Variants in SLIT1 observed in about 807,000 individuals in gnomAD.
SLIT1 encodes slit guidance ligand 1, also known as slit homolog 1 protein.
A neutral mutation model predicts 186.1 loss-of-function variants in SLIT1; 66 were observed. That is an observed-to-expected ratio of 0.35 (90% CI 0.29 to 0.44). SLIT1 has a LOEUF of 0.44. Ranked by LOEUF, SLIT1 falls within the 20% of genes least tolerant of loss-of-function variation. SLIT1 has a pLI of 1.00. For missense variants in SLIT1, 1,638 were observed against 2,037.4 expected (o/e 0.80, Z 3.77); for synonymous variants, 761 against 833.8 (o/e 0.91, Z 1.50).
At chr10:97,078,349 A>G (rs906259942) in intron 4 of SLIT1, among the ~76,000 whole-genome samples, 21 of 152,106 alleles carry the variant, frequency 1.4e-4, no homozygotes, top group Non-Finnish European at 2.6e-4. Context: ...CTCCTGTGGC[A>G]GCCCCCTCCT....
rs1476967389 is a variant in SLIT1, at chr10:97,040,049, G to A, written c.2236C>T (p.Arg746Ter). ...GCCCGCAGGTGCTTGTTGCTGCATC[G>A]GACCACGGTGTCCAGGCAGGCGCAC... ...QECACLDTVV[R>*]CSNKHLRALP... The change falls in exon 21 of 37, where the codon CGA (arginine) becomes TGA (stop). Residue 746 changes from arginine to a stop codon, truncating the protein, a stop_gained. Coordinates refer to ENST00000266058, the MANE Select transcript of SLIT1 (RefSeq NM_003061.3). LOFTEE classifies it high-confidence loss of function. 1.2e-6 allele frequency: 2 copies of A among 1,612,798 alleles called. No individual in the cohort carries two copies. Among genetic ancestry groups the A allele is most frequent in the Non-Finnish European group, 1.7e-6 (2 of 1,179,406 alleles).
chr10:97,171,757 T>G (rs1850191911), intron 1 of SLIT1, among the ~76,000 whole-genome samples: 1 of 151,492 alleles, frequency 6.6e-6, no homozygotes, highest in African/African-American at 2.4e-5. Context: ...AGCCGGAGGT[T>G]GCAGTGAGGT....
intron 4 of SLIT1, among the ~76,000 whole-genome samples, chr10:97,127,578 C>G (rs1849616076): frequency 6.6e-6 from 1 of 152,210 alleles, no homozygotes; most frequent in Non-Finnish European, 1.5e-5. Flanking sequence ...GAACCACGTC[C>G]TCTGGGCACA....
intron 25 of SLIT1, among the ~76,000 whole-genome samples, chr10:97,026,795 G>T (rs1012554388): frequency 4.6e-5 from 7 of 152,194 alleles, no homozygotes; most frequent in Admixed American, 4.6e-4. Context: ...ATTGTGCAGG[G>T]TATTGAAGTC....
intron 4 of SLIT1, among the ~76,000 whole-genome samples, chr10:97,076,866 C>A (rs752216200): frequency 3.3e-5 from 5 of 152,226 alleles, no homozygotes; most frequent in Non-Finnish European, 7.3e-5. Flanking sequence ...GCAGACCCAG[C>A]AGTGGTGTCA....
At chr10:97,055,387 G>A (rs2134632769) in intron 13 of SLIT1, among the ~76,000 whole-genome samples, 1 of 152,020 alleles carries the variant, frequency 6.6e-6, no homozygotes, top group Admixed American at 6.5e-5. Flanking sequence ...TTTTGAAACA[G>A]GGTCTCTCCG....
At position 96,998,697 on chromosome 10, in the gene SLIT1, C is replaced by T. The variant is rs1216658033; in HGVS notation, c.*2415G>A. The T allele has an allele frequency of 6.6e-6, 1 of 152,310 alleles. No homozygotes were observed. Among genetic ancestry groups the T allele is most frequent in the Non-Finnish European group, 1.5e-5 (1 of 68,074 alleles). The allele number at this position is 152,310 out of a possible 1,614,324, so 9.4% of individuals were successfully genotyped here. On this transcript the variant is annotated 3_prime_UTR_variant, in exon 37 of 37. Coordinates refer to ENST00000266058, the MANE Select transcript of SLIT1 (RefSeq NM_003061.3). ...GGGGCACACAGCTCTCACATCATCT[C>T]ATGGTGGATTCCAATCCTCAGACTG...
intron 5 of SLIT1, among the ~76,000 whole-genome samples, chr10:97,065,137 TACAC>T (rs55991572): frequency 0.29 from 44,143 of 150,550 alleles, 7,102 homozygotes; most frequent in African/African-American, 0.44. Context: ...GGCACCCCCC[TACAC>T]ACACACACAC....
intron 1 of SLIT1, among the ~76,000 whole-genome samples, chr10:97,179,869 A>G (rs1371408514): frequency 6.7e-6 from 1 of 149,850 alleles, no homozygotes; most frequent in African/African-American, 2.4e-5. Flanking sequence ...GCTCTGGGTA[A>G]TAAGTATTTG....
At position 97,067,155 on chromosome 10, in the gene SLIT1, C is replaced by A. The variant is rs147818542; in HGVS notation, c.414-1069G>T. ...TCCGAGAGCCTAGGCCACAGGGAGTCAGGAGCACGCAAGGGGCTGGGATCA... is the reference window on the plus strand; with the variant it reads ...TCCGAGAGCCTAGGCCACAGGGAGTAAGGAGCACGCAAGGGGCTGGGATCA... On this transcript the variant is annotated intron_variant, in intron 4 of 36. Coordinates refer to ENST00000266058, the MANE Select transcript of SLIT1 (RefSeq NM_003061.3). 6.5e-3 allele frequency among the ~76,000 whole-genome samples: 986 copies of A among 152,272 alleles called. 11 individuals carry two copies. Among genetic ancestry groups the A allele is most frequent in the African/African-American group, 0.023 (941 of 41,548 alleles).
intron 1 of SLIT1, among the ~76,000 whole-genome samples, chr10:97,171,617 T>G (rs1454934807): frequency 6.6e-6 from 1 of 152,062 alleles, no homozygotes; most frequent in East Asian, 1.9e-4. Flanking sequence ...GTCAGGAGTT[T>G]GAGACCAGCC....
At chr10:97,157,786 G>A in intron 4 of SLIT1, 32 bp downstream of exon 4, 3 of 1,565,282 alleles carry the variant, frequency 1.9e-6, no homozygotes, top group Non-Finnish European at 2.6e-6. Flanking sequence ...AAAACCACAG[G>A]GAGAACTCTC....
chr10:97,028,532 T>C (rs985175948), intron 25 of SLIT1, among the ~76,000 whole-genome samples: 2 of 152,256 alleles, frequency 1.3e-5, no homozygotes, highest in Non-Finnish European at 2.9e-5. Context: ...TTCATGTTCA[T>C]GCCTTTGCAC....
chr10:97,131,902 A>T (rs545450669), intron 4 of SLIT1, among the ~76,000 whole-genome samples: 3 of 152,358 alleles, frequency 2.0e-5, no homozygotes, highest in Admixed American at 2.0e-4. Context: ...TAAAGCAGAA[A>T]GAGGTTAGGC....
chr10:97,107,036 A>T (rs1849421451), intron 4 of SLIT1, among the ~76,000 whole-genome samples: 1 of 152,222 alleles, frequency 6.6e-6, no homozygotes, highest in Non-Finnish European at 1.5e-5. Flanking sequence ...TACAGCAGTG[A>T]CTCTGAGCTA....
chr10:97,136,158 G>A (rs1438272218), intron 4 of SLIT1, among the ~76,000 whole-genome samples: 1 of 152,152 alleles, frequency 6.6e-6, no homozygotes, highest in Non-Finnish European at 1.5e-5. Context: ...GTGAACGCTT[G>A]TGTCAACTCT....
intron 2 of SLIT1, among the ~76,000 whole-genome samples, 190 bp downstream of exon 2, chr10:97,164,629 A>C (rs1850078175): frequency 6.6e-6 from 1 of 152,054 alleles, no homozygotes; most frequent in African/African-American, 2.4e-5. Context: ...AGGGCGACGG[A>C]CCTTATGATG....
At chr10:97,023,934 C>T (rs1848523053) in intron 25 of SLIT1, among the ~76,000 whole-genome samples, 2 of 150,016 alleles carry the variant, frequency 1.3e-5, no homozygotes, top group Admixed American at 1.3e-4. Context: ...AAGACTGAAA[C>T]TCAGTGGAAA....
At chr10:97,007,582 A>G (rs993236445) in intron 31 of SLIT1, among the ~76,000 whole-genome samples, 1 of 152,182 alleles carries the variant, frequency 6.6e-6, no homozygotes, top group Non-Finnish European at 1.5e-5. Context: ...CATAAAAAGG[A>G]TTATATACAA....
Sources: gnomAD v4.1 joint callset for allele counts (sites outside exome capture counted in the v4.1 genomes callset) on GRCh38, gnomAD v4.1.1 for gene constraint, MANE v1.5 for transcripts, NCBI Gene and HGNC (gene_info 2026-07-23, HGNC 2026-07-21) for gene names.